The following ZNF91 variants were observed in gnomAD, a reference collection of about 807,000 sequenced individuals.
ZNF91 encodes the protein zinc finger protein 91, also known as zinc finger protein 91 (HPF7, HTF10).
Under a neutral mutation model 12.6 loss-of-function variants are expected in ZNF91, and 7 were observed. That is an observed-to-expected ratio of 0.55 (90% CI 0.31 to 1.04). The LOEUF (loss-of-function observed/expected upper bound fraction) is 1.04. ZNF91 is among the 50% of genes least tolerant of loss of function. The pLI, the probability that ZNF91 is intolerant of heterozygous loss-of-function variation, is 0.05. For missense variants in ZNF91, 1,217 were observed against 1,385.4 expected, an observed-to-expected ratio of 0.88 and a Z score of 1.93; for synonymous variants, 453 against 462.6, an observed-to-expected ratio of 0.98 and a Z score of 0.27.
intron 1 of ZNF91, chr19:23,384,498 C>CGCT: frequency 1.1e-6 from 1 of 900,626 alleles, no homozygotes; most frequent in Non-Finnish European, 1.5e-6. Context: ...CCCTTTCTTC[C>CGCT]GCTTGCAAAA....
chr19:23,359,769 T>C lies in ZNF91; in HGVS notation c.3210A>G (p.Arg1070=). 1 of 1,613,838 alleles carries C rather than the reference T, an allele frequency of 6.2e-7. No individual in the cohort carries two copies. The highest frequency in any genetic ancestry group is 8.5e-7 in the Non-Finnish European group (1 of 1,179,978). The change falls in exon 4 of 4, where the codon AGA becomes AGG. Residue 1070 remains arginine (R), a synonymous_variant. Transcript: ENST00000300619. Reference sequence around the variant, plus strand: ...TGTAGGGTTTCTCTCTAGTATGAATTCTCTTATGTCCATTTAGGGTTGAGG... The same window carrying C: ...TGTAGGGTTTCTCTCTAGTATGAATCCTCTTATGTCCATTTAGGGTTGAGG... ...ISSSTLNGHK[R]IHTREKPYKC...
In ZNF91 at chr19:23,341,001, T is replaced by C. The variant is rs191524678; in HGVS notation, c.254-1947A>G. Among the ~76,000 whole-genome samples, 609 of 150,802 alleles carry C rather than the reference T, an allele frequency of 4.0e-3. 8 individuals carry two copies. Among genetic ancestry groups the C allele is most frequent in the African/African-American group, 0.014 (586 of 41,152 alleles). On this transcript the variant is annotated intron_variant, in intron 3 of 3. Transcript: ENST00000599743. ...TCATTTTTCAATAAAGACATACAAA[T>C]AGCCAACACGCATATGAAAAAAATG...
At chr19:23,364,777 C>A (rs1420644401) in intron 3 of ZNF91, among the ~76,000 whole-genome samples, 1 of 151,964 alleles carries the variant, frequency 6.6e-6, no homozygotes, top group African/African-American at 2.4e-5. Flanking sequence ...CAAACCCACA[C>A]AACAAATATA....
chr19:23,323,039 T>G (rs1599687666), intron 1 of ZNF91, among the ~76,000 whole-genome samples: 1 of 98,330 alleles, frequency 1.0e-5, no homozygotes. Context: ...CCTTTCTCCT[T>G]TTTGTTTCCT....
downstream of ZNF91, among the ~76,000 whole-genome samples, chr19:23,353,456 G>A (rs1968415176): frequency 6.6e-6 from 1 of 152,058 alleles, no homozygotes; most frequent in South Asian, 2.1e-4. Context: ...ATACAGCTAA[G>A]GTGATGAAGA....
intron 1 of ZNF91, chr19:23,325,300 T>A (rs757509454): frequency 1.3e-5 from 2 of 152,074 alleles, no homozygotes; most frequent in African/African-American, 4.8e-5. Flanking sequence ...TTACAATTCT[T>A]AAATCAGTGG....
downstream of ZNF91, among the ~76,000 whole-genome samples, chr19:23,354,497 A>G (rs1968440663): frequency 6.6e-6 from 1 of 152,232 alleles, no homozygotes; most frequent in Non-Finnish European, 1.5e-5. Context: ...ATCTATGACA[A>G]GCCCACAGCC....
At chr19:23,382,567 A>G (rs762136427) in intron 1 of ZNF91, among the ~76,000 whole-genome samples, 1 of 152,226 alleles carries the variant, frequency 6.6e-6, no homozygotes, top group Non-Finnish European at 1.5e-5. Flanking sequence ...TAAAAATAAC[A>G]TAACATACAT....
chr19:23,353,592 G>A (rs1196990259), downstream of ZNF91, among the ~76,000 whole-genome samples: 5 of 151,920 alleles, frequency 3.3e-5, no homozygotes, highest in Non-Finnish European at 7.4e-5. Flanking sequence ...AGAAAAAAAG[G>A]AAATAACCAA....
chr19:23,368,441 G>A (rs2145080689), intron 3 of ZNF91, among the ~76,000 whole-genome samples: 1 of 151,712 alleles, frequency 6.6e-6, no homozygotes, highest in Non-Finnish European at 1.5e-5. Flanking sequence ...CTTGAACCCA[G>A]GAGGTGGGGG....
chr19:23,359,085 G>T lies in ZNF91; in HGVS notation c.*318C>A. 1 of 557,376 alleles carries T rather than the reference G, an allele frequency of 1.8e-6. No individual in the cohort carries two copies. The highest frequency in any genetic ancestry group is 3.4e-6 in the Non-Finnish European group (1 of 291,200). 34.5% of individuals were successfully genotyped at this position (557,376 alleles called of 1,614,324 possible). A position where few individuals can be genotyped will look rare whatever the true frequency, so the allele number is the denominator to read the frequency against. On this transcript the variant is annotated 3_prime_UTR_variant, in exon 4 of 4. Coordinates refer to ENST00000300619, the MANE Select transcript of ZNF91 (RefSeq NM_003430.4). ...TATGTCTGGTTAGGGCTGAGGACCA[G>T]AAAAAGGATTTGCCACATTCTTCAC...
At position 23,358,976 on chromosome 19, in the gene ZNF91, TATCTG is replaced by T; in HGVS notation, c.*422_*426del. ...GATTTCTCTCCAATATGAGTTATCT[TATCTG>T]TAGTAAGGTGTGAAAACTGGTTAAA... On this transcript the variant is annotated 3_prime_UTR_variant, in exon 4 of 4. Coordinates refer to ENST00000300619, the MANE Select transcript of ZNF91 (RefSeq NM_003430.4). 2.4e-6 allele frequency: 1 copy of T among 411,694 alleles called. No individual in the cohort carries two copies. Among genetic ancestry groups the T allele is most frequent in the Non-Finnish European group, 4.7e-6 (1 of 214,576 alleles). 25.5% of individuals were successfully genotyped at this position (411,694 alleles called of 1,614,324 possible).
At position 23,358,334 on chromosome 19, in the gene ZNF91, CATCT is replaced by C. The variant is rs1968550682; in HGVS notation, c.*1065_*1068del. The C allele has an allele frequency of 1.3e-5, 2 of 152,130 alleles. No homozygotes were observed. The highest frequency in any genetic ancestry group is 1.3e-4 in the Admixed American group (2 of 15,274). The allele number at this position is 152,130 out of a possible 1,614,324, so 9.4% of individuals were successfully genotyped here. ...TAATAATGCAGAATATTAATCTGAA[CATCT>C]ACCTCATGCATCACTCGATATTATA... On this transcript the variant is annotated 3_prime_UTR_variant, in exon 4 of 4. Coordinates refer to ENST00000300619, the MANE Select transcript of ZNF91 (RefSeq NM_003430.4).
intron 2 of ZNF91, chr19:23,308,149 T>C (rs1290291746): frequency 6.6e-6 from 1 of 152,114 alleles, no homozygotes; most frequent in East Asian, 1.9e-4. Flanking sequence ...AATTTGGGTA[T>C]TGTGACATAT....
intron 3 of ZNF91, among the ~76,000 whole-genome samples, chr19:23,343,159 T>TATTTAC (rs1410590537): frequency 6.6e-6 from 1 of 152,196 alleles, no homozygotes. Context: ...TTGAGTGCCA[T>TATTTAC]ATTTACATTA....
downstream of ZNF91, among the ~76,000 whole-genome samples, chr19:23,356,583 G>A (rs576625993): frequency 1.3e-4 from 20 of 152,170 alleles, no homozygotes; most frequent in South Asian, 4.1e-4. Flanking sequence ...GGGTACTTGC[G>A]GGGAAGAGTG....
At chr19:23,374,806 T>C (rs774232489) in intron 1 of ZNF91, 42 bp from the exon 2 acceptor site, 9 of 1,594,912 alleles carry the variant, frequency 5.6e-6, no homozygotes, top group Admixed American at 1.7e-5. Context: ...AAAGTGGCTA[T>C]GGGCAGAATT....
At chr19:23,375,262 T>C (rs1969465039) in intron 1 of ZNF91, among the ~76,000 whole-genome samples, 2 of 151,880 alleles carry the variant, frequency 1.3e-5, no homozygotes, top group African/African-American at 4.8e-5. Context: ...CCGGGTTCCG[T>C]GATTCTCCTG....
chr19:23,371,411 T>G (rs977676383), intron 3 of ZNF91, among the ~76,000 whole-genome samples: 4 of 151,996 alleles, frequency 2.6e-5, no homozygotes, highest in Non-Finnish European at 5.9e-5. Context: ...TAACCAAAAC[T>G]GGGGTCATAT....
Sources: gnomAD v4.1 joint callset for allele counts (sites outside exome capture counted in the v4.1 genomes callset) on GRCh38, gnomAD v4.1.1 for gene constraint, MANE v1.5 for transcripts, NCBI Gene and HGNC (gene_info 2026-07-23, HGNC 2026-07-21) for gene names.